RYR1: variants seen among roughly 807,000 people sequenced by gnomAD.
RYR1 encodes the protein central core disease of muscle.
In RYR1, 342 loss-of-function variants were observed where a neutral mutation model predicts 583.5. The observed-to-expected ratio is 0.59, with a 90% CI of 0.54 to 0.64. RYR1 has a LOEUF of 0.64. RYR1 is among the 30% of genes least tolerant of loss of function. The probability of loss-of-function intolerance (pLI) is 0.00; values close to 1 mark genes in which losing one functional copy is unlikely to be tolerated. For missense variants in RYR1, 6,032 were observed against 6,917.2 expected (o/e 0.87, Z 4.54); for synonymous variants, 2,791 against 2,822.5 (o/e 0.99, Z 0.35).
chr19:38,502,750 G>GGGCTGGGGC lies in RYR1; in HGVS notation c.7835+23_7835+24insGGCTGGGGC, dbSNP rs1970201781. On this transcript the variant is annotated intron_variant, in intron 48 of 105. Transcript: ENST00000359596. ...CAGGTGGAGCGGGGCAGGCTTCAGG[G>GGGCTGGGGC]TGGGGCAGGGGCAGGGGCAGGGGCA... 7 of 1,236,576 alleles carry GGGCTGGGGC rather than the reference G, an allele frequency of 5.7e-6. No individual in the cohort carries two copies. The African/African-American group carries it at 7.1e-5, about 12-fold the overall frequency. The allele number at this position is 1,236,576 out of a possible 1,614,324, so 76.6% of individuals were successfully genotyped here. A position where few individuals can be genotyped will look rare whatever the true frequency, so the allele number is the denominator to read the frequency against.
intron 87 of RYR1, among the ~76,000 whole-genome samples, chr19:38,545,719 G>A (rs544027501): frequency 6.6e-6 from 1 of 152,248 alleles, no homozygotes; most frequent in African/African-American, 2.4e-5. Context: ...GCTTAGGCAG[G>A]GGAATTGCTT....
In RYR1 at chr19:38,433,757, G is replaced by GC. The variant is rs886054376; in HGVS notation, c.-70dup. On this transcript the variant is annotated 5_prime_UTR_variant, in exon 1 of 106. Transcript: ENST00000359596. ...GGTCTCCGACCCCAGCCCGCCCCCA[G>GC]CCCTCCCGCCCAGCCCGCAGCCCCC... 35 of 261,438 alleles carry GC rather than the reference G, an allele frequency of 1.3e-4. No homozygotes were observed. Among genetic ancestry groups the GC allele is most frequent in the South Asian group, 3.7e-4 (10 of 26,672 alleles). The allele number at this position is 261,438 out of a possible 1,614,324, so 16.2% of individuals were successfully genotyped here.
At position 38,543,237 on chromosome 19, in the gene RYR1, C is replaced by A; in HGVS notation, c.11690-110C>A. 2.2e-6 allele frequency: 2 copies of A among 899,586 alleles called. No homozygotes were observed. Among genetic ancestry groups the A allele is most frequent in the South Asian group, 1.3e-5 (1 of 75,888 alleles). 55.7% of individuals were successfully genotyped at this position (899,586 alleles called of 1,614,324 possible). A position where few individuals can be genotyped will look rare whatever the true frequency, so the allele number is the denominator to read the frequency against. ...AAATTGATGATGATATGCTTTCTGG[C>A]ATACAATAGGAACTCAACACATGAG... On this transcript the variant is annotated intron_variant, in intron 84 of 105. Transcript: ENST00000359596. The surrounding 1 kb of genome is among the most constrained non-coding windows in gnomAD (Gnocchi z 4.4).
intron 39 of RYR1, among the ~76,000 whole-genome samples, chr19:38,495,616 G>C (rs971606904): frequency 6.6e-6 from 1 of 152,134 alleles, no homozygotes; most frequent in African/African-American, 2.4e-5. Context: ...CAAAGGGCTG[G>C]AATTACAAGG....
intron 94 of RYR1, among the ~76,000 whole-genome samples, chr19:38,571,586 G>A (rs1245583214): frequency 5.3e-5 from 8 of 152,116 alleles, no homozygotes; most frequent in African/African-American, 7.2e-5. Flanking sequence ...GCAGTGAGCC[G>A]AGATTGCACC....
rs745991023 is a variant in RYR1, at chr19:38,527,589, C to G, written c.10687-58C>G. On this transcript the variant is annotated intron_variant, in intron 72 of 105. Coordinates refer to ENST00000359596, the MANE Select transcript of RYR1 (RefSeq NM_000540.3). ...CCTCCCAAAAACGGAAAGGGGACAT[C>G]CGGCGGACACTGTGGGAAGGGTCCC... is the stretch of plus-strand genomic sequence containing the variant. 6.5e-4 allele frequency: 1,040 copies of G among 1,607,532 alleles called. 2 individuals are homozygous for G. The highest frequency in any genetic ancestry group is 1.3e-3 in the Admixed American group (75 of 58,912).
intron 36 of RYR1, 24 bp downstream of exon 36, chr19:38,490,300 C>T: frequency 6.2e-7 from 1 of 1,605,270 alleles, no homozygotes; most frequent in East Asian, 2.3e-5. Context: ...TGACGCTGGC[C>T]ACTTTTACTG....
chr19:38,453,853 G>A (rs1008271815), intron 13 of RYR1, among the ~76,000 whole-genome samples: 68 of 152,106 alleles, frequency 4.5e-4, no homozygotes, highest in African/African-American at 1.6e-3. Context: ...GAGAGGTGAC[G>A]AGGGCCAGGC....
At chr19:38,501,496 C>CA (rs928743538) in intron 47 of RYR1, among the ~76,000 whole-genome samples, 22 of 151,566 alleles carry the variant, frequency 1.5e-4, no homozygotes, top group East Asian at 7.7e-4. Context: ...GACTCCATCT[C>CA]AAAAAAAATA....
rs1467004000 is a variant in RYR1 at position 38,451,821 on chromosome 19, CAGG to C, written c.1186_1188del (p.Glu396del). On this transcript the variant is annotated inframe_deletion, in exon 12 of 106. Coordinates refer to ENST00000359596, the MANE Select transcript of RYR1 (RefSeq NM_000540.3). ...CGCACTGTCGCTGACCCGCTGCCAG[CAGG>C]AGGAGTCCCAGGCCGCCCGCATGAT... 3.7e-6 allele frequency: 6 copies of C among 1,614,150 alleles called. No individual in the cohort carries two copies. The highest frequency in any genetic ancestry group is 5.1e-6 in the Non-Finnish European group (6 of 1,180,012).
chr19:38,523,655 AT>A (rs1292479098), intron 69 of RYR1: 3 of 585,670 alleles, frequency 5.1e-6, no homozygotes, highest in East Asian at 2.8e-5. Flanking sequence ...CCTCCTCCCC[AT>A]TTTCCCCCTC....
At chr19:38,464,917 CAG>C (rs980413636) in intron 23 of RYR1, among the ~76,000 whole-genome samples, 195 bp downstream of exon 23, 5 of 150,602 alleles carry the variant, frequency 3.3e-5, no homozygotes, top group African/African-American at 2.4e-5. Flanking sequence ...TTAGGAGTTT[CAG>C]AGAGAGAGAG....
chr19:38,478,350 T>C, intron 30 of RYR1, 85 bp from the exon 31 acceptor site: 1 of 1,479,508 alleles, frequency 6.8e-7, no homozygotes, highest in Non-Finnish European at 9.3e-7. Flanking sequence ...TGAGGTTGTG[T>C]GTTTCCGGGA....
rs774564473 is a variant in RYR1 at position 38,500,017 on chromosome 19, G to A, written c.7323+1G>A. 6.2e-7 allele frequency: 1 copy of A among 1,613,782 alleles called. No individual in the cohort carries two copies. The highest frequency in any genetic ancestry group is 8.5e-7 in the Non-Finnish European group (1 of 1,179,728). Reference sequence around the variant, plus strand: ...CGGACGCTGTGCACCAGAGATGCATGTGAGACCCTGAGCCAGGGCAGGATG... The same window carrying A: ...CGGACGCTGTGCACCAGAGATGCATATGAGACCCTGAGCCAGGGCAGGATG... On this transcript the variant is annotated splice_donor_variant, in intron 45 of 105. Coordinates refer to ENST00000359596, the MANE Select transcript of RYR1 (RefSeq NM_000540.3). LOFTEE classifies it high-confidence loss of function. The surrounding 1 kb of genome is among the most constrained non-coding windows in gnomAD (Gnocchi z 5.9).
In RYR1 at chr19:38,505,178, C is replaced by CCCAGCCTTCCCTAAGACCCT. The variant is rs1970385332; in HGVS notation, c.8310+98_8311-111dup. 12 of 1,242,376 alleles carry CCCAGCCTTCCCTAAGACCCT rather than the reference C, an allele frequency of 9.7e-6. No homozygotes were observed. The Admixed American group carries it at 2.2e-4, about 23-fold the overall frequency. The allele number at this position is 1,242,376 out of a possible 1,614,324, so 77.0% of individuals were successfully genotyped here. ...GAGGCCCCAGATCTCCCTGAGACCCCCCAGCCTTCCCTAAGACCCTTAGCT... is the reference window on the plus strand; with the variant it reads ...GAGGCCCCAGATCTCCCTGAGACCCCCCAGCCTTCCCTAAGACCCTCCAGCCTTCCCTAAGACCCTTAGCT... On this transcript the variant is annotated intron_variant, in intron 52 of 105. Coordinates refer to ENST00000359596, the MANE Select transcript of RYR1 (RefSeq NM_000540.3).
Position 38,463,407 on chromosome 19 carries a change from G to C in RYR1, c.2578-16G>C. The C allele has an allele frequency of 6.2e-7, 1 of 1,611,492 alleles. No homozygotes were observed. Among genetic ancestry groups the C allele is most frequent in the Non-Finnish European group, 8.5e-7 (1 of 1,178,298 alleles). ...AGAGGGACCTTGGGGTCTCAAGAAC[G>C]TCCCTCTGCCTCTAGATTGTCCTGC... On this transcript the variant is annotated splice_polypyrimidine_tract_variant and intron_variant, in intron 20 of 105. Transcript: ENST00000359596.
intron 11 of RYR1, among the ~76,000 whole-genome samples, chr19:38,449,604 C>G (rs913019612): frequency 6.6e-6 from 1 of 152,242 alleles, no homozygotes; most frequent in African/African-American, 2.4e-5. Context: ...AATAGATGAG[C>G]TGTAGCGACC....
chr19:38,528,082 G>A, intron 73 of RYR1: 1 of 633,928 alleles, frequency 1.6e-6, no homozygotes, highest in South Asian at 1.9e-5. Flanking sequence ...ATTGGTCGTG[G>A]CCTGGCTCGT....
At chr19:38,517,306 T>A in intron 65 of RYR1, 53 bp from the exon 66 acceptor site, 2 of 1,583,950 alleles carry the variant, frequency 1.3e-6, no homozygotes, top group East Asian at 4.5e-5. Context: ...GCCAGGGCAC[T>A]GAGGTCTGGG....
Sources: gnomAD v4.1 joint callset for allele counts (sites outside exome capture counted in the v4.1 genomes callset) on GRCh38, gnomAD v4.1.1 for gene constraint, Gnocchi (gnomAD v3.1) non-coding constraint, MANE v1.5 for transcripts, NCBI Gene and HGNC (gene_info 2026-07-23, HGNC 2026-07-21) for gene names.